ZNF92: variants seen among roughly 807,000 people sequenced by gnomAD.
ZNF92 encodes the protein epididymis luminal protein 203.
In ZNF92, 11 loss-of-function variants were observed where a neutral mutation model predicts 12.4. The observed-to-expected ratio is 0.89, with a 90% CI of 0.56 to 1.47. ZNF92 has a LOEUF of 1.47. Among genes scored for constraint, ZNF92 ranks in the 40% most tolerant of loss-of-function variants. The pLI, the probability that ZNF92 is intolerant of heterozygous loss-of-function variation, is 0.00. For missense variants in ZNF92, 622 were observed against 681.0 expected, an observed-to-expected ratio of 0.91 and a Z score of 0.96; for synonymous variants, 206 against 228.6, an observed-to-expected ratio of 0.90 and a Z score of 0.89.
At chr7:65,388,232 A>G (rs922764020) in intron 2 of ZNF92, 2 of 379,592 alleles carry the variant, frequency 5.3e-6, no homozygotes, top group Non-Finnish European at 9.2e-6. Flanking sequence ...GAGCTGATCT[A>G]TATCCTTCAC....
chr7:65,399,094 T>A lies in ZNF92; in HGVS notation c.980T>A (p.Ile327Asn). ...ECGKAFRVFS[I>N]LKKHKIIHTG... is the part of the protein sequence containing the mutation. ...GGCAAAGCCTTTAGAGTATTCTCAA[T>A]TCTTAAAAAACATAAGATAATCCAT... The change falls in exon 4 of 4, where the codon ATT becomes AAT. Residue 327 changes from isoleucine to asparagine, a missense_variant. Physicochemically the swap from Ile to Asn is moderately radical, Grantham distance 149. Transcript: ENST00000328747. 1 of 1,606,666 alleles carries A rather than the reference T, an allele frequency of 6.2e-7. No homozygotes were observed. The highest frequency in any genetic ancestry group is 2.3e-5 in the East Asian group (1 of 44,336).
At chr7:65,389,585 T>C (rs7794642) in intron 3 of ZNF92, among the ~76,000 whole-genome samples, 42,280 of 151,884 alleles carry the variant, frequency 0.28, 7,729 homozygotes, top group African/African-American at 0.49. Context: ...GGCGCGAGCT[T>C]GGCTCACAGC....
rs1438296995 is a variant in ZNF92, at chr7:65,373,862, G to C, written c.-136G>C. 7.2e-6 allele frequency: 9 copies of C among 1,244,842 alleles called. No individual in the cohort carries two copies. Among genetic ancestry groups the C allele is most frequent in the Non-Finnish European group, 1.1e-5 (9 of 851,888 alleles). The allele number at this position is 1,244,842 out of a possible 1,614,324, so 77.1% of individuals were successfully genotyped here. A position where few individuals can be genotyped will look rare whatever the true frequency, so the allele number is the denominator to read the frequency against. On this transcript the variant is annotated 5_prime_UTR_variant, in exon 1 of 4. Transcript: ENST00000328747. Reference sequence around the variant, plus strand: ...GGATTTGGCGGGGCCTTTGTCTCTCGCTGCAGCCGGCGCTCCACGTCTAGT... The same window carrying C: ...GGATTTGGCGGGGCCTTTGTCTCTCCCTGCAGCCGGCGCTCCACGTCTAGT...
chr7:65,377,432 G>A (rs923511496), intron 1 of ZNF92, among the ~76,000 whole-genome samples: 5 of 152,102 alleles, frequency 3.3e-5, no homozygotes, highest in African/African-American at 1.2e-4. Flanking sequence ...ACAGGCAGAT[G>A]GAGTTAACAT....
chr7:65,380,185 A>G (rs988879859), intron 1 of ZNF92, among the ~76,000 whole-genome samples: 5 of 152,090 alleles, frequency 3.3e-5, no homozygotes, highest in African/African-American at 1.2e-4. Flanking sequence ...CTGCAAAGAA[A>G]ATGATCTTGT....
At chr7:65,388,952 AAGG>A in intron 3 of ZNF92, 51 bp downstream of exon 3, 1 of 1,446,244 alleles carries the variant, frequency 6.9e-7, no homozygotes, top group Non-Finnish European at 9.4e-7. Context: ...TCCAAAAGTC[AAGG>A]AGAAGGCCAG....
intron 3 of ZNF92, among the ~76,000 whole-genome samples, chr7:65,396,901 AAAG>A (rs1425802206): frequency 6.6e-6 from 1 of 152,066 alleles, no homozygotes; most frequent in Non-Finnish European, 1.5e-5. Flanking sequence ...TCTTGTTTTT[AAAG>A]TAAAACAATT....
At chr7:65,382,798 G>A (rs1325339781) in intron 1 of ZNF92, among the ~76,000 whole-genome samples, 4 of 151,938 alleles carry the variant, frequency 2.6e-5, no homozygotes, top group African/African-American at 7.3e-5. Flanking sequence ...CTAAACTAGC[G>A]GCTCCACATT....
Position 65,395,512 on chromosome 7 carries a change from A to G in ZNF92, c.227-2829A>G, listed in dbSNP as rs535416332. 1.6e-4 allele frequency among the ~76,000 whole-genome samples: 25 copies of G among 152,234 alleles called. 1 individual carries two copies. The highest frequency in any genetic ancestry group is 5.1e-4 in the African/African-American group (21 of 41,532). ...ATTGTTTGGATGTTCATGTTCTTCA[A>G]ACCTCATGCTGCGATGTAATCCTCA... On this transcript the variant is annotated intron_variant, in intron 3 of 3. Transcript: ENST00000328747.
At chr7:65,381,718 G>A (rs1793424899) in intron 1 of ZNF92, among the ~76,000 whole-genome samples, 1 of 152,088 alleles carries the variant, frequency 6.6e-6, no homozygotes, top group South Asian at 2.1e-4. Flanking sequence ...TGGATATAGT[G>A]TAAGCAGGGA....
At position 65,388,872 on chromosome 7, in the gene ZNF92, A is replaced by G; in HGVS notation, c.197A>G (p.Lys66Arg). The stretch of plus-strand genomic sequence containing the variant: ...CAAGGAAAAGAGCCCTGGAATCTGA[A>G]GAGACATGAGATGGTAGACAAAACC... ...LEQGKEPWNL[K>R]RHEMVDKTPV... The change falls in exon 3 of 4, where the codon AAG becomes AGG. Residue 66 changes from lysine to arginine, a missense_variant. By Grantham distance (26) the Lys-to-Arg change is conservative. Coordinates refer to ENST00000328747, the MANE Select transcript of ZNF92 (RefSeq NM_152626.4). The G allele has an allele frequency of 6.3e-7, 1 of 1,584,006 alleles. No homozygotes were observed. The highest frequency in any genetic ancestry group is 8.6e-7 in the Non-Finnish European group (1 of 1,162,226).
rs898504730 is a variant in ZNF92 at position 65,400,117 on chromosome 7, T to C, written c.*242T>C. On this transcript the variant is annotated 3_prime_UTR_variant, in exon 4 of 4. Coordinates refer to ENST00000328747, the MANE Select transcript of ZNF92 (RefSeq NM_152626.4). ...CTTGAGAAAAATTGTATAAAGAATA[T>C]GGAAAAGCCATTTATATCTGCTCAC... is the stretch of plus-strand genomic sequence containing the variant. 1 of 356,996 alleles carries C rather than the reference T, an allele frequency of 2.8e-6. No homozygotes were observed. Among genetic ancestry groups the C allele is most frequent in the African/African-American group, 2.1e-5 (1 of 47,960 alleles). The allele number at this position is 356,996 out of a possible 1,614,324, so 22.1% of individuals were successfully genotyped here.
At chr7:65,397,080 G>A (rs1331614311) in intron 3 of ZNF92, among the ~76,000 whole-genome samples, 1 of 151,514 alleles carries the variant, frequency 6.6e-6, no homozygotes, top group African/African-American at 2.4e-5. Context: ...TGGCCAGTAA[G>A]TTTTACCTTC....
In ZNF92 at chr7:65,378,866, C is replaced by G. The variant is rs371553646; in HGVS notation, c.3+4866C>G. 1.2e-4 allele frequency among the ~76,000 whole-genome samples: 19 copies of G among 152,282 alleles called. 1 individual carries two copies. In the East Asian group the frequency reaches 2.1e-3, roughly 17 times the overall value. On this transcript the variant is annotated intron_variant, in intron 1 of 3. Coordinates refer to ENST00000328747, the MANE Select transcript of ZNF92 (RefSeq NM_152626.4). ...GATAGGTAAGAAAAGAGAGCACCAT[C>G]TAAGTCATAATGGTAAGAGTGGTTC...
At chr7:65,393,492 C>A (rs1793774944) in intron 3 of ZNF92, among the ~76,000 whole-genome samples, 1 of 151,984 alleles carries the variant, frequency 6.6e-6, no homozygotes, top group African/African-American at 2.4e-5. Context: ...TTTTTAAGAT[C>A]CTATGTTGCA....
intron 3 of ZNF92, among the ~76,000 whole-genome samples, chr7:65,391,884 A>C (rs1793725801): frequency 6.6e-6 from 1 of 152,108 alleles, no homozygotes. Context: ...ACACAGTTAC[A>C]CTCAAATATT....
chr7:65,397,086 C>T (rs1388576618), intron 3 of ZNF92, among the ~76,000 whole-genome samples: 1 of 151,590 alleles, frequency 6.6e-6, no homozygotes, highest in Non-Finnish European at 1.5e-5. Context: ...GTAAGTTTTA[C>T]CTTCTGTGTT....
At chr7:65,392,115 C>T (rs1793731874) in intron 3 of ZNF92, among the ~76,000 whole-genome samples, 1 of 152,000 alleles carries the variant, frequency 6.6e-6, no homozygotes, top group East Asian at 1.9e-4. Context: ...ATAAGTCAGC[C>T]ATATGTCCAT....
intron 2 of ZNF92, among the ~76,000 whole-genome samples, chr7:65,388,521 C>A (rs534578925): frequency 6.6e-6 from 1 of 151,770 alleles, no homozygotes; most frequent in East Asian, 1.9e-4. Context: ...CGCCTGTAAT[C>A]CAACTACTCA....
Sources: gnomAD v4.1 joint callset for allele counts (sites outside exome capture counted in the v4.1 genomes callset) on GRCh38, gnomAD v4.1.1 for gene constraint, MANE v1.5 for transcripts, NCBI Gene and HGNC (gene_info 2026-07-23, HGNC 2026-07-21) for gene names.